Variants in ANO4 observed in about 807,000 individuals in gnomAD.
The protein encoded by ANO4 is anoctamin-4.
Under a neutral mutation model 141.9 loss-of-function variants are expected in ANO4, and 69 were observed. That is an observed-to-expected ratio of 0.49 (90% CI 0.40 to 0.59). The LOEUF is 0.59. Among genes scored for constraint, ANO4 ranks in the 20% least tolerant of loss-of-function variants. The pLI is 0.00. For synonymous variants in ANO4, 350 were observed against 394.3 expected (o/e 0.89, Z 1.33); for missense variants, 894 against 1,162.2 (o/e 0.77, Z 3.36).
At chr12:100,898,632 A>T (rs79303015) in intron 1 of ANO4, among the ~76,000 whole-genome samples, 11,097 of 152,118 alleles carry the variant, frequency 0.073, 523 homozygotes, top group African/African-American at 0.13. Flanking sequence ...TATATATTTT[A>T]AAAAAATGCC....
At chr12:101,088,414 AT>A (rs925359565) in intron 17 of ANO4, among the ~76,000 whole-genome samples, 1 of 151,690 alleles carries the variant, frequency 6.6e-6, no homozygotes, top group Non-Finnish European at 1.5e-5. Context: ...TTTCTATAGC[AT>A]TTATCACCAT....
intron 10 of ANO4, chr12:101,038,541 GCA>G (rs762917910): frequency 1.3e-5 from 2 of 152,140 alleles, no homozygotes; most frequent in Non-Finnish European, 2.9e-5. Flanking sequence ...ATTGGTAATA[GCA>G]GCAGCAATCA....
chr12:101,014,130 A>G lies in ANO4; in HGVS notation c.735-5904A>G, dbSNP rs185496934. On this transcript the variant is annotated intron_variant, in intron 8 of 27. Coordinates refer to ENST00000392977, the MANE Select transcript of ANO4 (RefSeq NM_001286615.2). The stretch of plus-strand genomic sequence containing the variant: ...ATATACAACGCCCATGCCCATATAT[A>G]CACACCCTCAATACATATTGCTTTG... Among the ~76,000 whole-genome samples, 19 of 152,198 alleles carry G rather than the reference A, an allele frequency of 1.2e-4. No homozygotes were observed. The East Asian group carries it at 3.5e-3, about 28-fold the overall frequency.
intron 8 of ANO4, among the ~76,000 whole-genome samples, chr12:101,015,214 C>A (rs2046265960): frequency 6.6e-6 from 1 of 152,114 alleles, no homozygotes; most frequent in Non-Finnish European, 1.5e-5. Flanking sequence ...TCCTGTCTAT[C>A]CAGCCACCCA....
chr12:100,869,490 A>G (rs1000773232), intron 1 of ANO4, among the ~76,000 whole-genome samples: 1 of 152,172 alleles, frequency 6.6e-6, no homozygotes, highest in African/African-American at 2.4e-5. Flanking sequence ...CGAAGTTTTC[A>G]TATTTGTCCG....
intron 3 of ANO4, among the ~76,000 whole-genome samples, chr12:100,776,070 A>G (rs1677173004): frequency 6.6e-6 from 1 of 152,202 alleles, no homozygotes; most frequent in African/African-American, 2.4e-5. Flanking sequence ...TCATTCATGA[A>G]TTTGTTTCTT....
intron 25 of ANO4, among the ~76,000 whole-genome samples, chr12:101,117,918 CT>C (rs1233218311): frequency 1.3e-5 from 2 of 152,222 alleles, no homozygotes; most frequent in African/African-American, 4.8e-5. Context: ...CCCTCCACCC[CT>C]TTAAACACTC....
At chr12:100,935,833 G>C (rs2042264456) in intron 3 of ANO4, among the ~76,000 whole-genome samples, 1 of 152,166 alleles carries the variant, frequency 6.6e-6, no homozygotes, top group Non-Finnish European at 1.5e-5. Context: ...TCTTCTTAGA[G>C]AATCAATGTA....
At chr12:100,730,686 G>A (rs2031346065) in intron 1 of ANO4, among the ~76,000 whole-genome samples, 1 of 152,160 alleles carries the variant, frequency 6.6e-6, no homozygotes, top group Admixed American at 6.5e-5. Context: ...GTAAACCAGT[G>A]TAATCTTGCA....
chr12:100,935,031 C>T (rs2042227819), intron 3 of ANO4, among the ~76,000 whole-genome samples: 1 of 152,186 alleles, frequency 6.6e-6, no homozygotes, highest in Non-Finnish European at 1.5e-5. Context: ...GTCATGTCAT[C>T]TGCAAACAGG....
At chr12:100,979,254 C>T (rs908710283) in intron 7 of ANO4, among the ~76,000 whole-genome samples, 1 of 152,142 alleles carries the variant, frequency 6.6e-6, no homozygotes, top group African/African-American at 2.4e-5. Context: ...TCAGTAATCT[C>T]TGTGACAGCA....
chr12:101,108,795 A>G (rs540759752), intron 22 of ANO4, among the ~76,000 whole-genome samples: 30 of 152,182 alleles, frequency 2.0e-4, no homozygotes, highest in African/African-American at 7.2e-4. Flanking sequence ...AAAAATTTTT[A>G]TTTTGCAAGT....
chr12:100,751,214 G>A (rs1302862094), intron 3 of ANO4, among the ~76,000 whole-genome samples: 1 of 152,154 alleles, frequency 6.6e-6, no homozygotes, highest in Non-Finnish European at 1.5e-5. Context: ...GTACCATGGG[G>A]CCCACAGCAT....
At chr12:100,874,184 G>A (rs971864925) in intron 1 of ANO4, among the ~76,000 whole-genome samples, 1 of 152,234 alleles carries the variant, frequency 6.6e-6, no homozygotes, top group African/African-American at 2.4e-5. Context: ...GAGTCCTCAT[G>A]GAGAACCTCT....
chr12:100,886,355 A>T (rs1170689414), intron 1 of ANO4, among the ~76,000 whole-genome samples: 2 of 146,264 alleles, frequency 1.4e-5, no homozygotes, highest in Non-Finnish European at 3.0e-5. Context: ...TAAAAATTTC[A>T]TACAAAAGTA....
At chr12:100,883,134 AG>A (rs2135962701) in intron 1 of ANO4, among the ~76,000 whole-genome samples, 1 of 152,344 alleles carries the variant, frequency 6.6e-6, no homozygotes, top group Admixed American at 6.5e-5. Flanking sequence ...TAAGTACAAA[AG>A]TCTATGAATT....
intron 11 of ANO4, among the ~76,000 whole-genome samples, chr12:101,041,533 G>T (rs774131699): frequency 3.9e-5 from 6 of 152,082 alleles, no homozygotes; most frequent in African/African-American, 1.4e-4. Context: ...AAGATTTTGC[G>T]GTTTTGGTTA....
chr12:100,783,187 G>A (rs2033762013), intron 3 of ANO4, among the ~76,000 whole-genome samples: 1 of 152,178 alleles, frequency 6.6e-6, no homozygotes, highest in Admixed American at 6.5e-5. Context: ...TTGAGGAAGT[G>A]TGGTGGGTGC....
At chr12:101,057,217 T>G (rs7965675) in intron 14 of ANO4, among the ~76,000 whole-genome samples, 67,161 of 151,740 alleles carry the variant, frequency 0.44, 15,667 homozygotes, top group African/African-American at 0.6. Flanking sequence ...GTATTCCATG[T>G]TGTGTATGTG....
Sources: allele counts gnomAD v4.1 joint callset (sites outside exome capture counted in the v4.1 genomes callset), GRCh38; gene constraint gnomAD v4.1.1; transcripts MANE v1.5; gene names NCBI Gene and HGNC (gene_info 2026-07-23, HGNC 2026-07-21).